KCNH8: variants seen among roughly 807,000 people sequenced by gnomAD.
The protein encoded by KCNH8 is voltage-gated delayed rectifier potassium channel KCNH8.
In KCNH8, 70 loss-of-function variants were observed where a neutral mutation model predicts 103.6. That is an observed-to-expected ratio of 0.68 (90% CI 0.56 to 0.82). The LOEUF is 0.82. Among genes scored for constraint, KCNH8 ranks in the 40% least tolerant of loss-of-function variants. KCNH8 has a pLI of 0.00. For missense variants in KCNH8, 1,217 were observed against 1,329.9 expected, an observed-to-expected ratio of 0.92 and a Z score of 1.32; for synonymous variants, 498 against 489.4, an observed-to-expected ratio of 1.02 and a Z score of -0.23.
At chr3:19,202,598 T>C (rs78120772) in intron 1 of KCNH8, among the ~76,000 whole-genome samples, 2,993 of 152,130 alleles carry the variant, frequency 0.02, 95 homozygotes, top group African/African-American at 0.067. Flanking sequence ...TAGGAAGAAA[T>C]ATGAGAAATT....
chr3:19,386,890 T>G (rs1051621208), intron 5 of KCNH8, among the ~76,000 whole-genome samples: 82 of 152,158 alleles, frequency 5.4e-4, no homozygotes, highest in African/African-American at 1.8e-3. Context: ...GAAGTTCCAC[T>G]CTGTTTCTGT....
chr3:19,493,166 AAG>A (rs1200393230), intron 11 of KCNH8, among the ~76,000 whole-genome samples: 1 of 152,116 alleles, frequency 6.6e-6, no homozygotes, highest in East Asian at 1.9e-4. Flanking sequence ...TAATATCACA[AAG>A]AGAGACAGTT....
At chr3:19,220,772 CT>C (rs112617144) in intron 1 of KCNH8, among the ~76,000 whole-genome samples, 266 of 146,738 alleles carry the variant, frequency 1.8e-3, no homozygotes, top group South Asian at 4.4e-3. Context: ...AACAATGGCA[CT>C]TTTTTTTTTT....
intron 5 of KCNH8, among the ~76,000 whole-genome samples, chr3:19,370,672 A>G (rs1003951979): frequency 2.6e-5 from 4 of 152,106 alleles, no homozygotes; most frequent in African/African-American, 7.2e-5. Context: ...GGTTATTTAC[A>G]TATGTATACA....
chr3:19,170,615 C>CACACACATATATATAT (rs1437430833), intron 1 of KCNH8, among the ~76,000 whole-genome samples: 5 of 138,326 alleles, frequency 3.6e-5, no homozygotes, highest in Non-Finnish European at 7.5e-5. Context: ...TATATGTATA[C>CACACACATATATATAT]ACACACATAT....
Position 19,515,393 on chromosome 3 carries a change from T to C in KCNH8, c.2507T>C (p.Ile836Thr), listed in dbSNP as rs1470530996. 1.9e-6 allele frequency: 3 copies of C among 1,576,268 alleles called. No individual in the cohort carries two copies. The highest frequency in any genetic ancestry group is 2.4e-5 in the South Asian group (2 of 84,314). ...ACTTTTGATTTTGGCTCTGAACGAA[T>C]CAGATCAGAGCCCAGAATTTCTCCT... ...SQTFDFGSER[I>T]RSEPRISPPL... The change falls in exon 14 of 16, where the codon ATC (isoleucine) becomes ACC (threonine). Residue 836 changes from isoleucine to threonine, a missense_variant. By Grantham distance (89) the Ile-to-Thr change is moderately conservative (BLOSUM62 -1). This residue lies in a region of KCNH8 where 558 missense variants were observed against 495.8 expected (regional missense o/e 1.13). Transcript: ENST00000328405.
chr3:19,395,682 C>T (rs1392591546), intron 7 of KCNH8, among the ~76,000 whole-genome samples: 2 of 151,938 alleles, frequency 1.3e-5, no homozygotes, highest in Non-Finnish European at 2.9e-5. Context: ...GATAACTTAA[C>T]TAATAAGAAA....
chr3:19,284,854 A>G (rs971201211), intron 3 of KCNH8, among the ~76,000 whole-genome samples: 11 of 150,912 alleles, frequency 7.3e-5, no homozygotes, highest in Non-Finnish European at 1.6e-4. Context: ...CTGGCAGTTA[A>G]ATATGTCCTT....
chr3:19,258,957 A>G (rs867627538), intron 2 of KCNH8, among the ~76,000 whole-genome samples: 1 of 121,102 alleles, frequency 8.3e-6, no homozygotes, highest in African/African-American at 3.2e-5. Flanking sequence ...CTATATATAT[A>G]TATATATATA....
Position 19,533,669 on chromosome 3 carries a change from C to A in KCNH8, c.2894C>A (p.Ser965Tyr). 1 of 1,614,098 alleles carries A rather than the reference C, an allele frequency of 6.2e-7. No individual in the cohort carries two copies. Among genetic ancestry groups the A allele is most frequent in the Non-Finnish European group, 8.5e-7 (1 of 1,179,992 alleles). ...GACATTTGGAGTGTGGATCCCTCCT[C>A]TGTGGGGAGCAGCCCCCAACGAACT... ...TSDIWSVDPS[S>Y]VGSSPQRTGA... Residue 965 changes from serine to tyrosine, a missense_variant, in exon 16 of 16, where the codon TCT becomes TAT. Ser to Tyr is a moderately radical substitution (Grantham distance 144). Around this residue, in one of 3 missense-constraint regions of KCNH8, gnomAD observed 558 missense variants for 495.8 expected, o/e 1.13. Coordinates refer to ENST00000328405, the MANE Select transcript of KCNH8 (RefSeq NM_144633.3).
At chr3:19,410,020 G>A (rs2066752967) in intron 7 of KCNH8, among the ~76,000 whole-genome samples, 1 of 151,974 alleles carries the variant, frequency 6.6e-6, no homozygotes, top group Admixed American at 6.6e-5. Flanking sequence ...TGACCGACTG[G>A]ACCTAATAAA....
At chr3:19,340,404 A>G (rs2065645489) in intron 3 of KCNH8, among the ~76,000 whole-genome samples, 1 of 144,544 alleles carries the variant, frequency 6.9e-6, no homozygotes, top group Admixed American at 7.0e-5. Flanking sequence ...ACATGTGCAC[A>G]TTGTGCAGGT....
chr3:19,245,963 T>G (rs1459599997), intron 1 of KCNH8, among the ~76,000 whole-genome samples: 2 of 152,182 alleles, frequency 1.3e-5, no homozygotes, highest in East Asian at 3.9e-4. Context: ...ATGAAACTTA[T>G]TTATTGAACT....
intron 5 of KCNH8, among the ~76,000 whole-genome samples, chr3:19,356,769 C>G (rs1199314962): frequency 6.6e-6 from 1 of 151,874 alleles, no homozygotes; most frequent in Admixed American, 6.6e-5. Context: ...GTTGTTGGAT[C>G]AGGTTTTTTG....
intron 3 of KCNH8, among the ~76,000 whole-genome samples, chr3:19,321,670 T>A (rs1023851153): frequency 2.7e-5 from 4 of 150,766 alleles, no homozygotes; most frequent in Non-Finnish European, 5.9e-5. Flanking sequence ...TTGGGTAGAA[T>A]GTTCTGTAAA....
At chr3:19,472,339 G>T (rs2067879050) in intron 11 of KCNH8, among the ~76,000 whole-genome samples, 1 of 151,950 alleles carries the variant, frequency 6.6e-6, no homozygotes, top group Non-Finnish European at 1.5e-5. Context: ...GTCTGGCTCT[G>T]TGTCTCCACC....
intron 5 of KCNH8, among the ~76,000 whole-genome samples, chr3:19,349,991 C>T (rs901943853): frequency 2.0e-5 from 3 of 152,028 alleles, no homozygotes; most frequent in Admixed American, 6.6e-5. Context: ...GCAAGCAGTT[C>T]TAGTGTGACT....
intron 5 of KCNH8, among the ~76,000 whole-genome samples, chr3:19,389,894 T>C (rs763883467): frequency 8.5e-5 from 13 of 152,084 alleles, no homozygotes; most frequent in Non-Finnish European, 1.8e-4. Context: ...CCTTCCAAAG[T>C]GCTGGGATTA....
chr3:19,157,965 T>C (rs189963769), intron 1 of KCNH8, among the ~76,000 whole-genome samples: 131 of 151,890 alleles, frequency 8.6e-4, no homozygotes, highest in African/African-American at 2.6e-3. Context: ...ATCTAGATTT[T>C]GTGTCATACT....
Sources: gnomAD v4.1 joint callset for allele counts (sites outside exome capture counted in the v4.1 genomes callset) on GRCh38, gnomAD v4.1.1 for gene constraint, gnomAD v4.1.1 regional missense constraint, MANE v1.5 for transcripts, NCBI Gene and HGNC (gene_info 2026-07-23, HGNC 2026-07-21) for gene names.